ASCC1: variants seen among roughly 807,000 people sequenced by gnomAD.
ASCC1 encodes activating signal cointegrator 1 complex subunit 1, also known as ASC-1 complex subunit P50.
A neutral mutation model predicts 46.6 loss-of-function variants in ASCC1; 35 were observed. The observed-to-expected ratio is 0.75, with a 90% confidence interval of 0.57 to 0.99. ASCC1 has a LOEUF of 0.99. ASCC1 is among the 50% of genes least tolerant of loss of function. ASCC1 has a pLI of 0.00. For synonymous variants in ASCC1, 143 were observed against 146.6 expected, an observed-to-expected ratio of 0.98 and a Z score of 0.18; for missense variants, 376 against 428.7, an observed-to-expected ratio of 0.88 and a Z score of 1.09.
chr10:72,159,051 C>T (rs1849318323), intron 6 of ASCC1: 2 of 152,096 alleles, frequency 1.3e-5, no homozygotes. Context: ...TGGGAGAAAT[C>T]AGGAGAAGAA....
At position 72,210,833 on chromosome 10, in the gene ASCC1, T is replaced by C. The variant is rs1857978507; in HGVS notation, c.113-2A>G. The C allele has an allele frequency of 6.2e-7, 1 of 1,613,514 alleles. No individual in the cohort carries two copies. Among genetic ancestry groups the C allele is most frequent in the Non-Finnish European group, 8.5e-7 (1 of 1,179,676 alleles). On this transcript the variant is annotated splice_acceptor_variant, in intron 2 of 9. Transcript: ENST00000672957. LOFTEE classifies it high-confidence loss of function. The stretch of plus-strand genomic sequence containing the variant: ...GCTCATCAGCACACTCCATGGAGCC[T>C]GCACAGAAACCATCACATCTCACTC...
chr10:72,168,210 T>C (rs1404527208), intron 5 of ASCC1, among the ~76,000 whole-genome samples: 1 of 151,576 alleles, frequency 6.6e-6, no homozygotes, highest in Non-Finnish European at 1.5e-5. Flanking sequence ...AATAAATAAA[T>C]AAAATAAAAT....
At chr10:72,161,759 C>T in intron 5 of ASCC1, 85 bp from the exon 6 acceptor site, 1 of 1,508,950 alleles carries the variant, frequency 6.6e-7, no homozygotes, top group Non-Finnish European at 9.2e-7. Flanking sequence ...AAAATAAACC[C>T]ACACACCTAC....
chr10:72,146,977 C>T (rs1847709152), intron 7 of ASCC1, among the ~76,000 whole-genome samples: 1 of 151,630 alleles, frequency 6.6e-6, no homozygotes, highest in African/African-American at 2.4e-5. Context: ...CCATGTGTTA[C>T]TAGCTTCTGT....
rs1156930245 is a variant in ASCC1, at chr10:72,203,619, CT to C, written c.213-96del. The C allele has an allele frequency of 3.2e-6, 3 of 933,572 alleles. No homozygotes were observed. In the African/African-American group the frequency reaches 4.9e-5, roughly 15 times the overall value. The allele number at this position is 933,572 out of a possible 1,614,324, so 57.8% of individuals were successfully genotyped here. A position where few individuals can be genotyped will look rare whatever the true frequency, so the allele number is the denominator to read the frequency against. ...AATCCTTTGTGACAAGAGATACTCC[CT>C]TACAGAAAAGTAGTTCAGTAAAAGC... On this transcript the variant is annotated intron_variant, in intron 3 of 9. Coordinates refer to ENST00000672957, the MANE Select transcript of ASCC1 (RefSeq NM_001198800.3).
In ASCC1 at chr10:72,189,971, C is replaced by T. The variant is rs902340249; in HGVS notation, c.489+6840G>A. On this transcript the variant is annotated intron_variant, in intron 5 of 9. Coordinates refer to ENST00000672957, the MANE Select transcript of ASCC1 (RefSeq NM_001198800.3). ...TGCACACAAGTATATCCAGGAGCTA[C>T]GGAGAAAGAAACAGTCTGATGTCAT... 33 of 753,126 alleles carry T rather than the reference C, an allele frequency of 4.4e-5. 1 individual carries two copies. Among genetic ancestry groups the T allele is most frequent in the African/African-American group, 2.7e-4 (16 of 58,936 alleles). 46.7% of individuals were successfully genotyped at this position (753,126 alleles called of 1,614,324 possible).
chr10:72,128,037 G>T, intron 9 of ASCC1, 45 bp downstream of exon 9: 1 of 1,420,104 alleles, frequency 7.0e-7, no homozygotes, highest in Non-Finnish European at 1.0e-6. Flanking sequence ...GCCTTATTTA[G>T]GACATGTGCC....
chr10:72,192,638 T>A (rs1661793958), intron 5 of ASCC1, among the ~76,000 whole-genome samples: 1 of 152,032 alleles, frequency 6.6e-6, no homozygotes, highest in African/African-American at 2.4e-5. Context: ...GGATTACAGA[T>A]GTACACCACC....
chr10:72,156,751 G>A (rs1393196431), intron 6 of ASCC1, among the ~76,000 whole-genome samples: 5 of 136,528 alleles, frequency 3.7e-5, no homozygotes, highest in Admixed American at 8.1e-5. Context: ...CAGCCTGGGC[G>A]ACAGAATAAG....
intron 3 of ASCC1, among the ~76,000 whole-genome samples, chr10:72,207,531 G>A (rs1168116473): frequency 6.6e-6 from 1 of 152,174 alleles, no homozygotes; most frequent in Non-Finnish European, 1.5e-5. Context: ...TCTCAGTCTT[G>A]GCTATACACT....
chr10:72,167,739 C>T (rs574292592), intron 5 of ASCC1, among the ~76,000 whole-genome samples: 41 of 151,344 alleles, frequency 2.7e-4, no homozygotes, highest in Non-Finnish European at 5.2e-4. Context: ...TGGCCTCAAG[C>T]GATCCTCTCT....
upstream of ASCC1, chr10:72,217,029 C>T (rs1317932759): frequency 2.2e-6 from 1 of 454,482 alleles, no homozygotes; most frequent in Non-Finnish European, 4.4e-6. Context: ...GCTGCTCGCC[C>T]TGCGTTCTGT....
chr10:72,194,923 G>A (rs570642602), intron 5 of ASCC1, among the ~76,000 whole-genome samples: 2 of 151,838 alleles, frequency 1.3e-5, no homozygotes, highest in African/African-American at 2.4e-5. Context: ...TGTATTTTTA[G>A]TAGAGACGGG....
At chr10:72,214,181 T>C (rs1329805316) in intron 1 of ASCC1, among the ~76,000 whole-genome samples, 1 of 151,046 alleles carries the variant, frequency 6.6e-6, no homozygotes. Context: ...GGCGAAACCC[T>C]GTCTCTCAAA....
intron 7 of ASCC1, among the ~76,000 whole-genome samples, chr10:72,147,520 TG>T (rs1438222952): frequency 6.6e-6 from 1 of 152,140 alleles, no homozygotes; most frequent in East Asian, 1.9e-4. Context: ...CCCAAAGTGC[TG>T]GGATTACAGG....
chr10:72,124,030 T>G (rs949914034), intron 9 of ASCC1, among the ~76,000 whole-genome samples: 1 of 152,246 alleles, frequency 6.6e-6, no homozygotes, highest in African/African-American at 2.4e-5. Flanking sequence ...TCATTGAAAT[T>G]TATTCATTAT....
intron 3 of ASCC1, among the ~76,000 whole-genome samples, chr10:72,207,399 G>A (rs1857375627): frequency 1.3e-5 from 2 of 152,192 alleles, no homozygotes; most frequent in Non-Finnish European, 2.9e-5. Flanking sequence ...GAGTAACAGA[G>A]TGAGAATCCG....
intron 9 of ASCC1, among the ~76,000 whole-genome samples, chr10:72,118,176 G>C (rs1564599722): frequency 6.6e-6 from 1 of 151,056 alleles, no homozygotes; most frequent in Non-Finnish European, 1.5e-5. Context: ...GACCATCCTG[G>C]CTAACACGGT....
chr10:72,158,300 CG>C (rs1450030373), intron 6 of ASCC1, among the ~76,000 whole-genome samples: 2 of 152,162 alleles, frequency 1.3e-5, no homozygotes, highest in African/African-American at 2.4e-5. Context: ...TTTGTTCACG[CG>C]TATTTTCTCT....
Sources: gnomAD v4.1 joint callset for allele counts (sites outside exome capture counted in the v4.1 genomes callset) on GRCh38, gnomAD v4.1.1 for gene constraint, MANE v1.5 for transcripts, NCBI Gene and HGNC (gene_info 2026-07-23, HGNC 2026-07-21) for gene names.